CCSER1: variants seen among roughly 807,000 people sequenced by gnomAD.
CCSER1 encodes the protein serine-rich coiled-coil domain-containing protein 1.
CCSER1 carries 41 observed loss-of-function variants against 82.0 expected under a neutral mutation model. The ratio of observed to expected loss-of-function variants is 0.50; its 90% CI spans 0.39 to 0.65. CCSER1 has a LOEUF of 0.65. CCSER1 is among the 30% of genes least tolerant of loss of function. The pLI, the probability that CCSER1 is intolerant of heterozygous loss-of-function variation, is 0.00. For missense variants in CCSER1, 1,119 were observed against 1,064.2 expected (o/e 1.05, Z -0.72); for synonymous variants, 414 against 383.9 (o/e 1.08, Z -0.92).
At chr4:91,441,034 C>T (rs902518879) in intron 10 of CCSER1, among the ~76,000 whole-genome samples, 3 of 151,878 alleles carry the variant, frequency 2.0e-5, no homozygotes, top group African/African-American at 7.3e-5. Flanking sequence ...CGAATTCTAC[C>T]AGAGGTACAA....
At position 91,285,960 on chromosome 4, in the gene CCSER1, G is replaced by A. The variant is rs140332124; in HGVS notation, c.2217+199966G>A. Reference sequence around the variant, plus strand: ...TTTATAGTTGGTTCTTGATTCTAGCGTGTTTGTTTTGTTTTTTTTTTCCAT... The same window carrying A: ...TTTATAGTTGGTTCTTGATTCTAGCATGTTTGTTTTGTTTTTTTTTTCCAT... On this transcript the variant is annotated intron_variant, in intron 10 of 10. Coordinates refer to ENST00000509176, the MANE Select transcript of CCSER1 (RefSeq NM_001145065.2). 1.1e-3 allele frequency among the ~76,000 whole-genome samples: 162 copies of A among 150,394 alleles called. 2 individuals carry two copies. The East Asian group carries it at 0.028, about 26-fold the overall frequency.
chr4:91,369,195 G>A (rs1415009855), intron 10 of CCSER1, among the ~76,000 whole-genome samples: 1 of 152,164 alleles, frequency 6.6e-6, no homozygotes, highest in East Asian at 1.9e-4. Flanking sequence ...GGCATTGCTA[G>A]GTTGTTTCAG....
intron 10 of CCSER1, among the ~76,000 whole-genome samples, chr4:91,331,885 ATC>A (rs1311885037): frequency 2.0e-5 from 3 of 152,158 alleles, no homozygotes; most frequent in Non-Finnish European, 2.9e-5. Context: ...CAAGACCTGT[ATC>A]TCTCAATAGA....
chr4:90,232,129 G>T (rs958316228), intron 1 of CCSER1, among the ~76,000 whole-genome samples: 1 of 152,150 alleles, frequency 6.6e-6, no homozygotes, highest in Non-Finnish European at 1.5e-5. Context: ...CTACTTTAAA[G>T]TTCCTATGAA....
intron 9 of CCSER1, among the ~76,000 whole-genome samples, chr4:90,941,362 A>C (rs1020354721): frequency 1.1e-4 from 16 of 152,124 alleles, no homozygotes; most frequent in African/African-American, 2.9e-4. Flanking sequence ...AAGACCCTAA[A>C]GTAATATGTT....
At chr4:91,391,328 T>C (rs1276486264) in intron 10 of CCSER1, among the ~76,000 whole-genome samples, 1 of 152,296 alleles carries the variant, frequency 6.6e-6, no homozygotes, top group African/African-American at 2.4e-5. Context: ...TGAGACAGCA[T>C]CTCACTCTGT....
At chr4:90,712,513 AT>A (rs1740822983) in intron 6 of CCSER1, among the ~76,000 whole-genome samples, 1 of 151,972 alleles carries the variant, frequency 6.6e-6, no homozygotes, top group African/African-American at 2.4e-5. Flanking sequence ...TTTTTTTATG[AT>A]TTAAAATCTT....
chr4:90,435,307 T>A (rs554427809), intron 4 of CCSER1, among the ~76,000 whole-genome samples: 1 of 152,106 alleles, frequency 6.6e-6, no homozygotes, highest in Non-Finnish European at 1.5e-5. Flanking sequence ...TATTTGTAAA[T>A]ATTTCATATT....
intron 8 of CCSER1, among the ~76,000 whole-genome samples, chr4:90,838,715 C>G (rs1039662228): frequency 6.6e-6 from 1 of 152,196 alleles, no homozygotes; most frequent in Non-Finnish European, 1.5e-5. Flanking sequence ...CCCTGCCAGC[C>G]AGACAGACAG....
At chr4:91,080,117 C>T (rs570009034) in intron 9 of CCSER1, among the ~76,000 whole-genome samples, 5 of 152,286 alleles carry the variant, frequency 3.3e-5, no homozygotes, top group Admixed American at 3.3e-4. Context: ...AACATACATT[C>T]TTCTAAGCAC....
At chr4:90,709,973 TA>T (rs1740230179) in intron 6 of CCSER1, among the ~76,000 whole-genome samples, 1 of 146,006 alleles carries the variant, frequency 6.8e-6, no homozygotes, top group South Asian at 2.2e-4. Context: ...GACTTTTTAA[TA>T]ACCATTCTGA....
At chr4:90,255,333 C>G (rs1053449783) in intron 1 of CCSER1, among the ~76,000 whole-genome samples, 1 of 151,862 alleles carries the variant, frequency 6.6e-6, no homozygotes, top group African/African-American at 2.4e-5. Flanking sequence ...GCTTGGTGAC[C>G]AGGGAATCTG....
At chr4:90,329,710 A>C (rs916026153) in intron 3 of CCSER1, among the ~76,000 whole-genome samples, 2 of 152,168 alleles carry the variant, frequency 1.3e-5, no homozygotes, top group Admixed American at 1.3e-4. Context: ...CAGTATGCTT[A>C]AGATTTGAAT....
intron 4 of CCSER1, among the ~76,000 whole-genome samples, chr4:90,440,199 C>G (rs1420063181): frequency 6.6e-6 from 1 of 151,638 alleles, no homozygotes; most frequent in African/African-American, 2.4e-5. Flanking sequence ...GAGACAGCAT[C>G]TTGGTTAGTT....
chr4:91,112,645 C>G (rs1726191752), intron 10 of CCSER1: 1 of 152,116 alleles, frequency 6.6e-6, no homozygotes, highest in Admixed American at 6.5e-5. Flanking sequence ...TATGCAGTCT[C>G]TACTTCAATC....
At chr4:90,269,950 A>G (rs1425799245) in intron 1 of CCSER1, among the ~76,000 whole-genome samples, 6 of 152,068 alleles carry the variant, frequency 3.9e-5, no homozygotes, top group Non-Finnish European at 8.8e-5. Flanking sequence ...CTAGACACAT[A>G]TAACCTACCA....
At chr4:90,949,896 C>T (rs923688286) in intron 9 of CCSER1, among the ~76,000 whole-genome samples, 8 of 152,006 alleles carry the variant, frequency 5.3e-5, no homozygotes, top group Non-Finnish European at 1.2e-4. Context: ...TACGGATGAA[C>T]ATATAGAGGC....
intron 9 of CCSER1, among the ~76,000 whole-genome samples, chr4:90,940,477 C>T (rs547318286): frequency 6.6e-6 from 1 of 151,690 alleles, no homozygotes; most frequent in African/African-American, 2.4e-5. Flanking sequence ...CCATTAGACT[C>T]TTAAAGTGTT....
chr4:90,668,831 A>G (rs921795226), intron 6 of CCSER1, among the ~76,000 whole-genome samples: 29 of 152,132 alleles, frequency 1.9e-4, no homozygotes, highest in African/African-American at 7.0e-4. Flanking sequence ...GTTATTTAAA[A>G]CAATTGATGT....
Sources: allele counts gnomAD v4.1 joint callset (sites outside exome capture counted in the v4.1 genomes callset), GRCh38; gene constraint gnomAD v4.1.1; transcripts MANE v1.5; gene names NCBI Gene and HGNC (gene_info 2026-07-23, HGNC 2026-07-21).